PIGL: variants seen among roughly 807,000 people sequenced by gnomAD.
PIGL encodes the protein N-acetylglucosaminyl-phosphatidylinositol de-N-acetylase.
A neutral mutation model predicts 31.1 loss-of-function variants in PIGL; 22 were observed. That is an observed-to-expected ratio of 0.71 (90% confidence interval 0.51 to 1.01). The LOEUF is 1.01. Among genes scored for constraint, PIGL ranks in the 50% least tolerant of loss-of-function variants. The pLI is 0.00. For missense variants in PIGL, 302 were observed against 315.9 expected (o/e 0.96, Z 0.33); for synonymous variants, 131 against 117.4 (o/e 1.12, Z -0.75).
At chr17:16,249,954 T>G (rs2092763729) in intron 2 of PIGL, among the ~76,000 whole-genome samples, 1 of 152,158 alleles carries the variant, frequency 6.6e-6, no homozygotes, top group African/African-American at 2.4e-5. Context: ...TTATTATTAT[T>G]TTTGTGTGTG....
chr17:16,260,389 T>A (rs181796058), intron 2 of PIGL, among the ~76,000 whole-genome samples: 133 of 152,282 alleles, frequency 8.7e-4, no homozygotes, highest in African/African-American at 3.0e-3. Context: ...AATTCAGCAC[T>A]CATTTCCTCC....
intron 2 of PIGL, among the ~76,000 whole-genome samples, chr17:16,249,431 G>A (rs1187094700): frequency 6.6e-6 from 1 of 152,172 alleles, no homozygotes; most frequent in Non-Finnish European, 1.5e-5. Context: ...AGTGAGCCAA[G>A]ATCATGCCGT....
chr17:16,309,489 AC>A (rs1377770251), intron 3 of PIGL, among the ~76,000 whole-genome samples: 1 of 152,224 alleles, frequency 6.6e-6, no homozygotes, highest in Non-Finnish European at 1.5e-5. Flanking sequence ...TAGGCCGGGC[AC>A]GGTGGCTCAC....
Position 16,220,242 on chromosome 17 carries a change from G to C in PIGL, c.235+2781G>C, listed in dbSNP as rs546730066. Among the ~76,000 whole-genome samples, 430 of 151,936 alleles carry C rather than the reference G, an allele frequency of 2.8e-3. 3 individuals carry two copies. The highest frequency in any genetic ancestry group is 9.6e-3 in the African/African-American group (397 of 41,478). Reference sequence around the variant, plus strand: ...CCACGCCTGTAGTCCCAGCTACTCGGGAGGCTGAGGCAGGAGAATCACTTG... The same window carrying C: ...CCACGCCTGTAGTCCCAGCTACTCGCGAGGCTGAGGCAGGAGAATCACTTG... On this transcript the variant is annotated intron_variant, in intron 1 of 6. Coordinates refer to ENST00000225609, the MANE Select transcript of PIGL (RefSeq NM_004278.4).
At chr17:16,305,359 G>A (rs2093022154) in intron 3 of PIGL, among the ~76,000 whole-genome samples, 1 of 152,184 alleles carries the variant, frequency 6.6e-6, no homozygotes, top group Non-Finnish European at 1.5e-5. Context: ...TCCTAGGTGA[G>A]AACCAGTGTC....
chr17:16,317,635 A>G, intron 5 of PIGL, 140 bp from the exon 6 acceptor site: 1 of 1,492,844 alleles, frequency 6.7e-7, no homozygotes. Flanking sequence ...GGGCAGCTTT[A>G]GTGCCACAGA....
intron 2 of PIGL, among the ~76,000 whole-genome samples, chr17:16,265,801 G>A (rs2092839917): frequency 6.6e-6 from 1 of 151,776 alleles, no homozygotes; most frequent in Admixed American, 6.6e-5. Flanking sequence ...GTCTCAACAA[G>A]TTAAGGAGAG....
intron 2 of PIGL, among the ~76,000 whole-genome samples, chr17:16,284,439 G>A (rs539651097): frequency 7.2e-5 from 11 of 152,218 alleles, no homozygotes; most frequent in Non-Finnish European, 1.6e-4. Flanking sequence ...TCTTGCCTGG[G>A]GACTAGACTG....
At chr17:16,233,280 A>G (rs768256119) in intron 1 of PIGL, among the ~76,000 whole-genome samples, 4 of 152,078 alleles carry the variant, frequency 2.6e-5, no homozygotes, top group Admixed American at 6.6e-5. Flanking sequence ...GTGATACCAA[A>G]ATGTCACTGT....
chr17:16,217,244 CCTG>C lies in PIGL; in HGVS notation c.19_21del (p.Leu7del), dbSNP rs372621541. Reference sequence around the variant, plus strand: ...TACCCATCATGGAAGCAATGTGGCTCCTGTGTGTGGCGTTGGCGGTCTTGGCAT... The same window carrying C: ...TACCCATCATGGAAGCAATGTGGCTCTGTGTGGCGTTGGCGGTCTTGGCAT... On this transcript the variant is annotated inframe_deletion, in exon 1 of 7. Coordinates refer to ENST00000225609, the MANE Select transcript of PIGL (RefSeq NM_004278.4). 20 of 1,614,114 alleles carry C rather than the reference CCTG, an allele frequency of 1.2e-5. No individual in the cohort carries two copies. The African/African-American group carries it at 2.4e-4, about 19-fold the overall frequency.
intron 6 of PIGL, among the ~76,000 whole-genome samples, chr17:16,321,972 C>G (rs935809386): frequency 2.6e-5 from 4 of 152,028 alleles, no homozygotes; most frequent in Admixed American, 6.6e-5. Flanking sequence ...TTAGTACAGA[C>G]AGGGTTTCCC....
intron 3 of PIGL, among the ~76,000 whole-genome samples, chr17:16,304,357 C>G (rs2093017876): frequency 6.6e-6 from 1 of 152,226 alleles, no homozygotes; most frequent in Non-Finnish European, 1.5e-5. Flanking sequence ...AAAGCTGGCT[C>G]TGCAGCCATC....
chr17:16,296,873 C>T (rs962560649), intron 2 of PIGL, among the ~76,000 whole-genome samples: 3 of 151,708 alleles, frequency 2.0e-5, no homozygotes, highest in East Asian at 2.0e-4. Flanking sequence ...CCCGCCACCA[C>T]GCCCGGCTAA....
intron 1 of PIGL, among the ~76,000 whole-genome samples, chr17:16,223,990 G>A (rs903853230): frequency 2.0e-5 from 3 of 152,136 alleles, no homozygotes; most frequent in Admixed American, 6.5e-5. Flanking sequence ...ACAGAGACGG[G>A]TGGATCACTA....
chr17:16,298,031 A>T (rs958355710), intron 2 of PIGL, among the ~76,000 whole-genome samples: 1 of 152,138 alleles, frequency 6.6e-6, no homozygotes, highest in African/African-American at 2.4e-5. Context: ...CGAGGGATCT[A>T]GGTTGCACGC....
intron 2 of PIGL, among the ~76,000 whole-genome samples, chr17:16,291,202 T>A (rs2092958641): frequency 6.6e-6 from 1 of 152,160 alleles, no homozygotes; most frequent in South Asian, 2.1e-4. Context: ...TCTTTCCAAC[T>A]GTGAAAAGAA....
At chr17:16,277,148 A>T (rs773062282) in intron 2 of PIGL, among the ~76,000 whole-genome samples, 7 of 152,204 alleles carry the variant, frequency 4.6e-5, no homozygotes, top group Non-Finnish European at 1.0e-4. Context: ...GACTACGTAG[A>T]CAATGTATGA....
At chr17:16,239,791 CT>C (rs992306300) in intron 2 of PIGL, among the ~76,000 whole-genome samples, 37 of 145,420 alleles carry the variant, frequency 2.5e-4, no homozygotes, top group Middle Eastern at 3.5e-3. Flanking sequence ...GAATTCAACT[CT>C]TTTTTTTTTT....
chr17:16,272,568 G>A (rs2092877363), intron 2 of PIGL, among the ~76,000 whole-genome samples: 1 of 152,122 alleles, frequency 6.6e-6, no homozygotes, highest in Admixed American at 6.6e-5. Flanking sequence ...TTCACATCCT[G>A]TTATTAATTC....
Sources: gnomAD v4.1 joint callset for allele counts (sites outside exome capture counted in the v4.1 genomes callset) on GRCh38, gnomAD v4.1.1 for gene constraint, MANE v1.5 for transcripts, NCBI Gene and HGNC (gene_info 2026-07-23, HGNC 2026-07-21) for gene names.